The following RYR3 variants were observed in gnomAD, a reference collection of about 807,000 sequenced individuals.
RYR3 encodes the protein ryanodine receptor 3.
RYR3 carries 207 observed loss-of-function variants against 584.3 expected under a neutral mutation model. The ratio of observed to expected loss-of-function variants is 0.35; its 90% CI spans 0.32 to 0.40. RYR3 has a LOEUF of 0.40. RYR3 is among the 10% of genes least tolerant of loss of function. RYR3 has a pLI of 1.00. For synonymous variants in RYR3, 2,416 were observed against 2,248.5 expected, an observed-to-expected ratio of 1.07 and a Z score of -2.11; for missense variants, 5,616 against 6,089.2, an observed-to-expected ratio of 0.92 and a Z score of 2.59.
chr15:33,562,787 C>A (rs1235724237), intron 10 of RYR3, 50 bp from the exon 11 acceptor site: 4 of 1,402,214 alleles, frequency 2.9e-6, no homozygotes, highest in South Asian at 1.2e-5. Flanking sequence ...TATTGAGCTT[C>A]TAATTTAATC....
intron 9 of RYR3, among the ~76,000 whole-genome samples, chr15:33,548,761 G>A (rs1368878928): frequency 6.6e-6 from 1 of 152,198 alleles, no homozygotes; most frequent in African/African-American, 2.4e-5. Context: ...ACCTCAGGTG[G>A]TCGGTTAACT....
intron 1 of RYR3, among the ~76,000 whole-genome samples, chr15:33,472,276 C>T (rs191078507): frequency 3.3e-5 from 5 of 152,314 alleles, no homozygotes; most frequent in Admixed American, 1.3e-4. Context: ...GTCTGTTAAT[C>T]GTGAATTGCT....
In RYR3 at chr15:33,708,623, A is replaced by G. The variant is rs183528268; in HGVS notation, c.6619+1569A>G. On this transcript the variant is annotated intron_variant, in intron 43 of 103. Coordinates refer to ENST00000634891, the MANE Select transcript of RYR3 (RefSeq NM_001036.6). ...GGCAAACTGGCCCATCAATAGAAAT[A>G]TTTGTGGATTTCAGTTTAATGTTTG... 2.0e-4 allele frequency among the ~76,000 whole-genome samples: 30 copies of G among 152,282 alleles called. 1 individual carries two copies. Among genetic ancestry groups the G allele is most frequent in the Admixed American group, 2.0e-3 (30 of 15,298 alleles).
chr15:33,523,269 T>C (rs1033686083), intron 3 of RYR3, among the ~76,000 whole-genome samples: 6 of 152,232 alleles, frequency 3.9e-5, no homozygotes, highest in Non-Finnish European at 5.9e-5. Flanking sequence ...GGCAACCTGC[T>C]GGTGTCCCCT....
rs145681412 is a variant in RYR3 at position 33,398,673 on chromosome 15, G to T, written c.52-74746G>T. ...CAGGTGGGTGGAGGGTGGAGCTTTG[G>T]TCTCCTCTTGTGAGTGGTGTCATGT... On this transcript the variant is annotated intron_variant, in intron 1 of 103. Transcript: ENST00000634891. 2.7e-3 allele frequency among the ~76,000 whole-genome samples: 410 copies of T among 152,316 alleles called. 1 individual carries two copies. The highest frequency in any genetic ancestry group is 4.2e-3 in the Non-Finnish European group (287 of 68,016).
At chr15:33,845,329 T>G (rs758274420) in intron 93 of RYR3, among the ~76,000 whole-genome samples, 19 of 152,190 alleles carry the variant, frequency 1.2e-4, no homozygotes, top group Non-Finnish European at 2.4e-4. Flanking sequence ...CTCGGCTCAC[T>G]GCAACCTCCG....
At chr15:33,518,687 T>C (rs1473249040) in intron 3 of RYR3, among the ~76,000 whole-genome samples, 1 of 152,204 alleles carries the variant, frequency 6.6e-6, no homozygotes, top group East Asian at 1.9e-4. Context: ...CATTCATAGA[T>C]CAGCAAAGGA....
intron 57 of RYR3, among the ~76,000 whole-genome samples, chr15:33,750,879 CAA>C (rs2071224420): frequency 6.6e-6 from 1 of 152,120 alleles, no homozygotes; most frequent in Non-Finnish European, 1.5e-5. Context: ...CCTACCCCCA[CAA>C]CCCCCACAGG....
rs1365868801 is a variant in RYR3 at position 33,854,690 on chromosome 15, A to G, written c.13861-76A>G. 3.9e-6 allele frequency: 6 copies of G among 1,527,214 alleles called. No individual in the cohort carries two copies. In the East Asian group the frequency reaches 1.1e-4, roughly 29 times the overall value. The allele number at this position is 1,527,214 out of a possible 1,614,324, so 94.6% of individuals were successfully genotyped here. Reference sequence around the variant, plus strand: ...CCCTCTATCCTCAGTGTGTCTCCCAAAATAAGAAAAAATGTTTTATAATGA... The same window carrying G: ...CCCTCTATCCTCAGTGTGTCTCCCAGAATAAGAAAAAATGTTTTATAATGA... On this transcript the variant is annotated intron_variant, in intron 97 of 103. Transcript: ENST00000634891.
At chr15:33,827,374 G>T in intron 85 of RYR3, 87 bp downstream of exon 85, 1 of 1,236,346 alleles carries the variant, frequency 8.1e-7, no homozygotes, top group South Asian at 1.3e-5. Context: ...GACAGCCCAG[G>T]ATACAGTCAA....
Position 33,578,784 on chromosome 15 carries a change from AC to A in RYR3, c.1269-1191del, listed in dbSNP as rs372802777. 2.4e-3 allele frequency among the ~76,000 whole-genome samples: 76 copies of A among 31,188 alleles called. 4 individuals are homozygous for A. The highest frequency in any genetic ancestry group is 2.8e-3 in the African/African-American group (13 of 4,670). 20.5% of individuals were successfully genotyped at this position (31,188 alleles called of 152,430 possible). A position where few individuals can be genotyped will look rare whatever the true frequency, so the allele number is the denominator to read the frequency against. On this transcript the variant is annotated intron_variant, in intron 12 of 103. Transcript: ENST00000634891. ...TTAGAATAAAAAAAAAAAAACAACA[AC>A]AAAAAAAAACTCCTCGTGATGTTAC... is the stretch of plus-strand genomic sequence containing the variant.
chr15:33,725,268 C>T (rs1341230430), intron 45 of RYR3, among the ~76,000 whole-genome samples: 1 of 151,842 alleles, frequency 6.6e-6, no homozygotes, highest in Non-Finnish European at 1.5e-5. Context: ...GGGAAGGATG[C>T]CATCATCACC....
intron 11 of RYR3, 48 bp downstream of exon 11, chr15:33,563,058 G>A: frequency 6.9e-7 from 1 of 1,458,220 alleles, no homozygotes; most frequent in East Asian, 2.3e-5. Flanking sequence ...TGAGTTGGAA[G>A]CAACTAGGCA....
intron 18 of RYR3, among the ~76,000 whole-genome samples, chr15:33,605,604 C>T (rs1438870333): frequency 3.3e-5 from 5 of 152,140 alleles, no homozygotes; most frequent in Non-Finnish European, 7.4e-5. Flanking sequence ...CCAGTGTCTC[C>T]AAGTTTTATA....
At chr15:33,393,797 C>G (rs2042142436) in intron 1 of RYR3, among the ~76,000 whole-genome samples, 1 of 152,206 alleles carries the variant, frequency 6.6e-6, no homozygotes, top group Admixed American at 6.5e-5. Context: ...TGGGCTGCAA[C>G]ATGGCATTTC....
rs1418814453 is a variant in RYR3, at chr15:33,815,819, T to A, written c.10503-1043T>A. ...ATGCTAGTTTTTAAAAGAAAACTTG[T>A]ATGCTTCTCTCCAGACACAAAATTA... is the stretch of plus-strand genomic sequence containing the variant. On this transcript the variant is annotated intron_variant, in intron 74 of 103. Transcript: ENST00000634891. 7.5e-6 allele frequency: 3 copies of A among 398,460 alleles called. No homozygotes were observed. In the East Asian group the frequency reaches 1.1e-4, roughly 14 times the overall value. The allele number at this position is 398,460 out of a possible 1,614,324, so 24.7% of individuals were successfully genotyped here. A position where few individuals can be genotyped will look rare whatever the true frequency, so the allele number is the denominator to read the frequency against.
rs551726263 is a variant in RYR3 at position 33,842,103 on chromosome 15, C to T, written c.13209+68C>T. 9.4e-5 allele frequency: 141 copies of T among 1,505,046 alleles called. No individual in the cohort carries two copies. In the East Asian group the frequency reaches 1.6e-3, roughly 17 times the overall value. The allele number at this position is 1,505,046 out of a possible 1,614,324, so 93.2% of individuals were successfully genotyped here. On this transcript the variant is annotated intron_variant, in intron 91 of 103. Coordinates refer to ENST00000634891, the MANE Select transcript of RYR3 (RefSeq NM_001036.6). ...GCCCAGGCAGATGGCAGAGAGGTGCCGCTGATTTGTTTCACTGTTTGGTCA... is the reference window on the plus strand; with the variant it reads ...GCCCAGGCAGATGGCAGAGAGGTGCTGCTGATTTGTTTCACTGTTTGGTCA...
At chr15:33,406,893 G>A (rs889830292) in intron 1 of RYR3, among the ~76,000 whole-genome samples, 4 of 152,184 alleles carry the variant, frequency 2.6e-5, no homozygotes, top group African/African-American at 9.7e-5. Context: ...ATATCTTATT[G>A]AATTTGTGCT....
intron 12 of RYR3, 37 bp from the exon 13 acceptor site, chr15:33,579,939 G>C: frequency 6.5e-7 from 1 of 1,549,648 alleles, no homozygotes; most frequent in Non-Finnish European, 8.8e-7. Context: ...CCTGCTGCTG[G>C]CCAGTGCCTA....
Sources: allele counts gnomAD v4.1 joint callset (sites outside exome capture counted in the v4.1 genomes callset), GRCh38; gene constraint gnomAD v4.1.1; transcripts MANE v1.5; gene names NCBI Gene and HGNC (gene_info 2026-07-23, HGNC 2026-07-21).